The following RARB variants were observed in gnomAD, a reference collection of about 807,000 sequenced individuals.
The protein encoded by RARB is HBV-activated protein.
Under a neutral mutation model 51.9 loss-of-function variants are expected in RARB, and 17 were observed. That is an observed-to-expected ratio of 0.33 (90% CI 0.22 to 0.49). RARB has a LOEUF of 0.49. Ranked by LOEUF, RARB falls within the 20% of genes least tolerant of loss-of-function variation. RARB has a pLI of 0.99. For synonymous variants in RARB, 215 were observed against 195.4 expected (o/e 1.10, Z -0.84); for missense variants, 369 against 550.8 (o/e 0.67, Z 3.30).
In RARB at chr3:25,569,918, G is replaced by A. The variant is rs1304775424; in HGVS notation, c.609G>A (p.Thr203=). ...PSLCQLGKYT[T]NSSADHRVRL... ...TCTGCCAGCTGGGTAAATACACCACGGTAAGAGATACTCCTGCCCCAGGCT... is the reference window on the plus strand; with the variant it reads ...TCTGCCAGCTGGGTAAATACACCACAGTAAGAGATACTCCTGCCCCAGGCT... Residue 203 remains threonine, a splice_region_variant and synonymous_variant, in exon 4 of 8, where the codon ACG becomes ACA. Coordinates refer to ENST00000330688, the MANE Select transcript of RARB (RefSeq NM_000965.5). 1.9e-6 allele frequency: 3 copies of A among 1,613,164 alleles called. No individual in the cohort carries two copies. The highest frequency in any genetic ancestry group is 2.5e-6 in the Non-Finnish European group (3 of 1,179,578).
rs144049932 is a variant in RARB, at chr3:25,121,190, G to C, written c.-327-10971G>C. Among the ~76,000 whole-genome samples the C allele has an allele frequency of 2.0e-4, 31 of 152,236 alleles. No individual in the cohort carries two copies. In the East Asian group the frequency reaches 4.8e-3, roughly 24 times the overall value. ...CATTTCTGACTTAAGTCTCAAAGGG[G>C]AGGGCAGAGTTCCCCAGGTGGAAAA... is the stretch of plus-strand genomic sequence containing the variant. On this transcript the variant is annotated intron_variant, in intron 3 of 11. Coordinates refer to the RARB transcript ENST00000383772.
At chr3:25,522,073 GATGAA>G (rs1698425152) in intron 3 of RARB, among the ~76,000 whole-genome samples, 1 of 151,858 alleles carries the variant, frequency 6.6e-6, no homozygotes, top group Non-Finnish European at 1.5e-5. Flanking sequence ...TCATTTTAGA[GATGAA>G]ATACCTGAGA....
At chr3:25,041,663 CCT>C (rs1262973247) in intron 2 of RARB, among the ~76,000 whole-genome samples, 2 of 151,820 alleles carry the variant, frequency 1.3e-5, no homozygotes, top group African/African-American at 4.8e-5. Flanking sequence ...ACTCTAAATT[CCT>C]CTCTTAGATT....
At chr3:24,958,394 T>C (rs190585283) in intron 2 of RARB, among the ~76,000 whole-genome samples, 36 of 151,656 alleles carry the variant, frequency 2.4e-4, no homozygotes, top group African/African-American at 7.8e-4. Context: ...GTTCTTTCTG[T>C]TCTTAATTAG....
chr3:24,979,183 A>G (rs973885004), intron 2 of RARB, among the ~76,000 whole-genome samples: 31 of 152,150 alleles, frequency 2.0e-4, no homozygotes, highest in Non-Finnish European at 2.5e-4. Context: ...TATGTAGTCA[A>G]TTTTAGAATA....
rs75797360 is a variant in RARB at position 25,379,813 on chromosome 3, T to C, written c.179-81380T>C. Among the ~76,000 whole-genome samples, 463 of 152,298 alleles carry C rather than the reference T, an allele frequency of 3.0e-3. 3 individuals are homozygous for C. Among genetic ancestry groups the C allele is most frequent in the African/African-American group, 0.01 (435 of 41,552 alleles). ...TGGCATATCTTAGAATGAAGACTTT[T>C]TCTTTCTTAGTGGCGCATGAGTTAA... On this transcript the variant is annotated intron_variant, in intron 5 of 11. Coordinates refer to the RARB transcript ENST00000383772.
At position 25,297,533 on chromosome 3, in the gene RARB, GGTTT is replaced by G. The variant is rs147359839; in HGVS notation, c.178+122967_178+122970del. Among the ~76,000 whole-genome samples the G allele has an allele frequency of 1.1e-4, 16 of 147,676 alleles. No homozygotes were observed. In the East Asian group the frequency reaches 2.2e-3, roughly 20 times the overall value. ...CATTATATGAATTCATAAGAATCATGGTTTGTTTGTTTTCTTGTAATCTGAAACA... is the reference window on the plus strand; with the variant it reads ...CATTATATGAATTCATAAGAATCATGGTTTGTTTTCTTGTAATCTGAAACA... On this transcript the variant is annotated intron_variant, in intron 5 of 11. Transcript: ENST00000383772.
At chr3:25,593,945 C>T (rs1057028477) in intron 6 of RARB, among the ~76,000 whole-genome samples, 1 of 148,672 alleles carries the variant, frequency 6.7e-6, no homozygotes, top group Non-Finnish European at 1.5e-5. Flanking sequence ...CCAATTGCCA[C>T]AGATTTTTTT....
intron 5 of RARB, among the ~76,000 whole-genome samples, chr3:25,228,462 G>C (rs1237117082): frequency 6.6e-6 from 1 of 151,818 alleles, no homozygotes; most frequent in South Asian, 2.1e-4. Context: ...GGCATGATCA[G>C]AGTGCCTTTT....
intron 2 of RARB, among the ~76,000 whole-genome samples, chr3:24,906,514 A>C (rs1262313685): frequency 1.3e-5 from 2 of 152,124 alleles, no homozygotes; most frequent in Non-Finnish European, 2.9e-5. Context: ...CATTTTGGGA[A>C]GGCTAACTTC....
chr3:24,870,591 G>A (rs1702927824), intron 2 of RARB, among the ~76,000 whole-genome samples: 1 of 151,996 alleles, frequency 6.6e-6, no homozygotes, highest in Non-Finnish European at 1.5e-5. Flanking sequence ...AGAAACTTTA[G>A]AAACTAATTA....
chr3:25,322,739 A>G (rs1388521433), intron 5 of RARB, among the ~76,000 whole-genome samples: 1 of 152,170 alleles, frequency 6.6e-6, no homozygotes, highest in East Asian at 1.9e-4. Context: ...TTTTTAAGAT[A>G]AACACTACTT....
intron 4 of RARB, among the ~76,000 whole-genome samples, chr3:25,168,575 A>G (rs990000914): frequency 2.0e-5 from 3 of 152,222 alleles, no homozygotes; most frequent in Non-Finnish European, 4.4e-5. Context: ...CGTGGCAGTC[A>G]TGACAAAGAA....
intron 2 of RARB, among the ~76,000 whole-genome samples, chr3:25,500,698 C>CA (rs1218351916): frequency 2.6e-5 from 4 of 152,140 alleles, no homozygotes; most frequent in East Asian, 3.9e-4. Context: ...AGGCTGGTCT[C>CA]AAACTCCTTA....
chr3:25,075,996 T>A (rs570174691), intron 3 of RARB, among the ~76,000 whole-genome samples: 59 of 152,300 alleles, frequency 3.9e-4, no homozygotes, highest in African/African-American at 1.4e-3. Context: ...CAAAATGAAT[T>A]GTTAAAAATT....
At position 24,937,154 on chromosome 3, in the gene RARB, G is replaced by A. The variant is rs139098663; in HGVS notation, c.-380+78402G>A. Among the ~76,000 whole-genome samples, 566 of 152,290 alleles carry A rather than the reference G, an allele frequency of 3.7e-3. 4 individuals carry two copies. Among genetic ancestry groups the A allele is most frequent in the Non-Finnish European group, 5.6e-3 (384 of 68,010 alleles). The stretch of plus-strand genomic sequence containing the variant: ...GTCCTAGTTTTTAATAACTGGTAAA[G>A]CAGAGTTATTACATGGAAACAAAAA... On this transcript the variant is annotated intron_variant, in intron 2 of 11. Transcript: ENST00000383772.
chr3:25,155,259 A>G (rs1700355934), intron 4 of RARB, among the ~76,000 whole-genome samples: 1 of 151,820 alleles, frequency 6.6e-6, no homozygotes, highest in Non-Finnish European at 1.5e-5. Flanking sequence ...GAAAGTGATC[A>G]CCCTCCCTTT....
intron 5 of RARB, among the ~76,000 whole-genome samples, chr3:25,407,096 C>T (rs999988056): frequency 3.9e-5 from 6 of 152,164 alleles, no homozygotes; most frequent in African/African-American, 7.2e-5. Flanking sequence ...GCATTCAGCC[C>T]GATCTTTTCG....
intron 2 of RARB, among the ~76,000 whole-genome samples, chr3:25,468,026 A>G (rs961990072): frequency 2.0e-5 from 3 of 152,174 alleles, no homozygotes; most frequent in South Asian, 4.1e-4. Context: ...GTCAGGTGGG[A>G]TCTCATGGCT....
Sources: allele counts gnomAD v4.1 joint callset (sites outside exome capture counted in the v4.1 genomes callset), GRCh38; gene constraint gnomAD v4.1.1; transcripts MANE v1.5; gene names NCBI Gene and HGNC (gene_info 2026-07-23, HGNC 2026-07-21).